The following GRIK4 variants were observed in gnomAD, a reference collection of about 807,000 sequenced individuals.
GRIK4 encodes the protein glutamate receptor ionotropic, kainate 4.
A neutral mutation model predicts 104.9 loss-of-function variants in GRIK4; 40 were observed. That is an observed-to-expected ratio of 0.38 (90% CI 0.30 to 0.50). GRIK4 has a LOEUF of 0.50. GRIK4 is among the 20% of genes least tolerant of loss of function. GRIK4 has a pLI of 0.93. For synonymous variants in GRIK4, 485 were observed against 524.9 expected (o/e 0.92, Z 1.04); for missense variants, 1,047 against 1,308.1 (o/e 0.80, Z 3.08).
chr11:120,785,831 C>T (rs538203132), intron 3 of GRIK4, among the ~76,000 whole-genome samples: 51 of 152,304 alleles, frequency 3.3e-4, no homozygotes, highest in Admixed American at 6.5e-4. Flanking sequence ...CTCCTGGTGG[C>T]TCTGTGCTCA....
chr11:120,971,496 G>C lies in GRIK4; in HGVS notation c.2395+4173G>C, dbSNP rs575487248. On this transcript the variant is annotated intron_variant, in intron 19 of 20. Coordinates refer to ENST00000527524, the MANE Select transcript of GRIK4 (RefSeq NM_014619.5). The stretch of plus-strand genomic sequence containing the variant: ...TGCCCAGCACCCCAAGTGTTGCAAT[G>C]GAAAGTATTCATGTAGTTCTTATTG... Among the ~76,000 whole-genome samples, 85 of 152,334 alleles carry C rather than the reference G, an allele frequency of 5.6e-4. 1 individual carries two copies. Among genetic ancestry groups the C allele is most frequent in the African/African-American group, 2.0e-3 (83 of 41,582 alleles).
chr11:120,744,461 T>C (rs1200882176), intron 3 of GRIK4, among the ~76,000 whole-genome samples: 2 of 152,222 alleles, frequency 1.3e-5, no homozygotes, highest in Non-Finnish European at 2.9e-5. Flanking sequence ...GAAAAGCTTG[T>C]TCTCTGGCTG....
chr11:120,673,397 C>T (rs1049115434), intron 3 of GRIK4, among the ~76,000 whole-genome samples: 7 of 152,178 alleles, frequency 4.6e-5, no homozygotes, highest in African/African-American at 1.2e-4. Context: ...TGCTGCTTGC[C>T]GAGGACTGTG....
rs141777529 is a variant in GRIK4 at position 120,550,151 on chromosome 11, A to G, written c.-159+38264A>G. Among the ~76,000 whole-genome samples, 691 of 152,138 alleles carry G rather than the reference A, an allele frequency of 4.5e-3. 5 individuals carry two copies. Among genetic ancestry groups the G allele is most frequent in the Non-Finnish European group, 5.8e-3 (397 of 68,014 alleles). ...CTATTCAGGAGGCTGGTGCAGCGTC[A>G]CAGGGGGAAGAAGGGGCTTACACCC... On this transcript the variant is annotated intron_variant, in intron 1 of 20. Coordinates refer to ENST00000527524, the MANE Select transcript of GRIK4 (RefSeq NM_014619.5).
intron 11 of GRIK4, among the ~76,000 whole-genome samples, chr11:120,889,496 TAA>T (rs368566344): frequency 7.7e-6 from 1 of 129,036 alleles, no homozygotes. Context: ...AACCTGAGAG[TAA>T]AAAAAAAAGA....
chr11:120,969,788 G>C (rs1262600638), intron 19 of GRIK4, among the ~76,000 whole-genome samples: 1 of 152,188 alleles, frequency 6.6e-6, no homozygotes, highest in Non-Finnish European at 1.5e-5. Context: ...CTGGGGCCTA[G>C]AGCAGAAGGA....
At position 120,751,043 on chromosome 11, in the gene GRIK4, A is replaced by C. The variant is rs577768232; in HGVS notation, c.83-51650A>C. 6.8e-4 allele frequency among the ~76,000 whole-genome samples: 103 copies of C among 152,218 alleles called. 1 individual carries two copies. Among genetic ancestry groups the C allele is most frequent in the African/African-American group, 1.9e-3 (81 of 41,546 alleles). On this transcript the variant is annotated intron_variant, in intron 3 of 20. Coordinates refer to ENST00000527524, the MANE Select transcript of GRIK4 (RefSeq NM_014619.5). ...GGTTCCTGTCTGCACACCTGCATCT[A>C]AGTTGACCTGTGTACAGGGGACACA...
intron 11 of GRIK4, among the ~76,000 whole-genome samples, chr11:120,881,013 C>T (rs1004714002): frequency 1.3e-5 from 2 of 152,140 alleles, no homozygotes; most frequent in Non-Finnish European, 2.9e-5. Flanking sequence ...TTGTCATGCT[C>T]TTCCATTTTT....
chr11:120,893,381 T>C (rs1942472185), intron 11 of GRIK4, among the ~76,000 whole-genome samples: 1 of 152,256 alleles, frequency 6.6e-6, no homozygotes, highest in Non-Finnish European at 1.5e-5. Flanking sequence ...ATAAAATGTT[T>C]CTTGTAATGG....
intron 1 of GRIK4, among the ~76,000 whole-genome samples, chr11:120,539,482 C>G (rs1948010430): frequency 6.6e-6 from 1 of 152,174 alleles, no homozygotes; most frequent in African/African-American, 2.4e-5. Context: ...CTATTTTCCC[C>G]TTTGCAGATG....
intron 8 of GRIK4, among the ~76,000 whole-genome samples, chr11:120,841,749 G>A (rs1003981728): frequency 1.2e-4 from 18 of 152,132 alleles, no homozygotes; most frequent in African/African-American, 4.1e-4. Flanking sequence ...CAAAGGTCCC[G>A]GTTTCTCTGC....
At chr11:120,567,655 G>A (rs999951216) in intron 1 of GRIK4, among the ~76,000 whole-genome samples, 3 of 152,160 alleles carry the variant, frequency 2.0e-5, no homozygotes, top group Admixed American at 6.5e-5. Context: ...TGCTGAGCAG[G>A]GGAAGAGAGT....
chr11:120,720,987 A>G (rs946166636), intron 3 of GRIK4, among the ~76,000 whole-genome samples: 2 of 149,450 alleles, frequency 1.3e-5, no homozygotes, highest in Non-Finnish European at 2.9e-5. Flanking sequence ...GTATTCATTC[A>G]TTCATTCATT....
chr11:120,672,351 G>T (rs1950033184), intron 3 of GRIK4, among the ~76,000 whole-genome samples: 1 of 152,138 alleles, frequency 6.6e-6, no homozygotes, highest in Non-Finnish European at 1.5e-5. Flanking sequence ...GGAAGGCAGA[G>T]GTTGCAGTGA....
At chr11:120,874,263 G>A (rs1442907770) in intron 10 of GRIK4, 45 bp downstream of exon 10, 3 of 1,530,606 alleles carry the variant, frequency 2.0e-6, no homozygotes, top group Middle Eastern at 1.7e-4. Context: ...CAGGCTAGTG[G>A]GGTGGGACAC....
intron 17 of GRIK4, among the ~76,000 whole-genome samples, chr11:120,961,861 C>T (rs1450796329): frequency 6.6e-6 from 1 of 152,234 alleles, no homozygotes; most frequent in Non-Finnish European, 1.5e-5. Context: ...CCAGGCAAGT[C>T]TCCGTGCCTA....
chr11:120,609,051 G>A (rs1406219982), intron 1 of GRIK4, among the ~76,000 whole-genome samples: 2 of 152,188 alleles, frequency 1.3e-5, no homozygotes, highest in African/African-American at 2.4e-5. Flanking sequence ...CAATTGTGGG[G>A]TAATGACATT....
chr11:120,731,942 CT>C (rs1303479047), intron 3 of GRIK4, among the ~76,000 whole-genome samples: 1 of 151,982 alleles, frequency 6.6e-6, no homozygotes, highest in Non-Finnish European at 1.5e-5. Context: ...GATCTTCTTT[CT>C]TTTTTTCCTA....
intron 3 of GRIK4, among the ~76,000 whole-genome samples, chr11:120,732,666 G>C (rs903903397): frequency 6.6e-6 from 1 of 152,008 alleles, no homozygotes; most frequent in East Asian, 1.9e-4. Flanking sequence ...TCTTGTTATT[G>C]ATTTGTAGTT....
Sources: gnomAD v4.1 joint callset for allele counts (sites outside exome capture counted in the v4.1 genomes callset) on GRCh38, gnomAD v4.1.1 for gene constraint, MANE v1.5 for transcripts, NCBI Gene and HGNC (gene_info 2026-07-23, HGNC 2026-07-21) for gene names.